PNPLA6: variants seen among roughly 807,000 people sequenced by gnomAD.
The protein encoded by PNPLA6 is patatin like domain 6, lysophospholipase, also known as patatin-like phospholipase domain-containing protein 6.
In PNPLA6, 105 loss-of-function variants were observed where a neutral mutation model predicts 153.7. The observed-to-expected ratio is 0.68, with a 90% CI of 0.58 to 0.80. The LOEUF is 0.80. Among genes scored for constraint, PNPLA6 ranks in the 30% least tolerant of loss-of-function variants. The pLI is 0.00. For synonymous variants in PNPLA6, 825 were observed against 822.2 expected, an observed-to-expected ratio of 1.00 and a Z score of -0.06; for missense variants, 1,423 against 1,919.3, an observed-to-expected ratio of 0.74 and a Z score of 4.83.
chr19:7,556,658 C>G lies in PNPLA6; in HGVS notation c.3214C>G (p.Leu1072Val). ...ACCTCGATCCCTGTCCCCGCAGGAC[C>G]TGTGGCTGCCTTACTTCAACGTGAC... ...RVFQDKQIED[L>V]WLPYFNVTTD... The change falls in exon 26 of 32, where the codon CTG becomes GTG. Residue 1072 changes from leucine to valine, a missense_variant. This residue lies in a region of PNPLA6 where 643 missense variants were observed against 835.2 expected (regional missense o/e 0.77). Transcript: ENST00000600737. 6.2e-7 allele frequency: 1 copy of G among 1,613,322 alleles called. No individual in the cohort carries two copies. Among genetic ancestry groups the G allele is most frequent in the Non-Finnish European group, 8.5e-7 (1 of 1,179,332 alleles).
At position 7,540,401 on chromosome 19, in the gene PNPLA6, G is replaced by T; in HGVS notation, c.714+93G>T. 1 of 1,387,654 alleles carries T rather than the reference G, an allele frequency of 7.2e-7. No homozygotes were observed. The highest frequency in any genetic ancestry group is 1.3e-5 in the South Asian group (1 of 76,420). The allele number at this position is 1,387,654 out of a possible 1,614,324, so 86.0% of individuals were successfully genotyped here. ...TGTAGAGCTGGTGGTCTTTGGAGAT[G>T]CGTCATCGGGAGTCAGGGGAACGGG... On this transcript the variant is annotated intron_variant, in intron 5 of 31. Transcript: ENST00000600737. This position sits in a 1 kb window ranked among gnomAD's most constrained non-coding sequence, Gnocchi z 6.8.
Position 7,540,668 on chromosome 19 carries a change from G to A in PNPLA6, c.753G>A (p.Gly251=). 6.2e-7 allele frequency: 1 copy of A among 1,613,946 alleles called. No homozygotes were observed. ...GTGTGGTGAAGGAAGTGGTTCCTGG[G>A]GACAGCGTCAACAGCCTTCTCAGCA... ...KECVVKEVVP[G]DSVNSLLSIL... Residue 251 remains glycine, a synonymous_variant, in exon 6 of 32, where the codon GGG becomes GGA. Coordinates refer to ENST00000600737, the MANE Select transcript of PNPLA6 (RefSeq NM_001166114.2). The surrounding 1 kb of genome is among the most constrained non-coding windows in gnomAD (Gnocchi z 6.8).
chr19:7,552,245 C>T (rs1357986513), intron 18 of PNPLA6, among the ~76,000 whole-genome samples: 1 of 152,206 alleles, frequency 6.6e-6, no homozygotes, highest in South Asian at 2.1e-4. Context: ...CCTGTTTCAG[C>T]CTGTGGCTTC....
chr19:7,561,745 A>G lies in PNPLA6; in HGVS notation c.*183A>G, dbSNP rs948612575. 11 of 700,344 alleles carry G rather than the reference A, an allele frequency of 1.6e-5. 1 individual carries two copies. The highest frequency in any genetic ancestry group is 2.7e-5 in the East Asian group (1 of 37,168). 43.4% of individuals were successfully genotyped at this position (700,344 alleles called of 1,614,324 possible). A position where few individuals can be genotyped will look rare whatever the true frequency, so the allele number is the denominator to read the frequency against. Reference sequence around the variant, plus strand: ...GATGACTTGACCAGCCCCTCCCCCAATAAACTCGCCTCTTGGAAATGGCTT... The same window carrying G: ...GATGACTTGACCAGCCCCTCCCCCAGTAAACTCGCCTCTTGGAAATGGCTT... On this transcript the variant is annotated 3_prime_UTR_variant, in exon 32 of 32. Coordinates refer to ENST00000600737, the MANE Select transcript of PNPLA6 (RefSeq NM_001166114.2).
At chr19:7,538,464 T>C (rs1013278490) in intron 3 of PNPLA6, among the ~76,000 whole-genome samples, 14 of 152,198 alleles carry the variant, frequency 9.2e-5, no homozygotes, top group Non-Finnish European at 1.8e-4. Flanking sequence ...ATTACAGGCA[T>C]GAGCCACCAC....
At position 7,558,834 on chromosome 19, in the gene PNPLA6, C is replaced by G. The variant is rs377501071; in HGVS notation, c.3398-16C>G. ...CCCCCGAGGGGAGCAGCCCGCTGAC[C>G]CCCCTGGCCCCACAGCGGACATCGC... On this transcript the variant is annotated splice_polypyrimidine_tract_variant and intron_variant, in intron 27 of 31. Coordinates refer to ENST00000600737, the MANE Select transcript of PNPLA6 (RefSeq NM_001166114.2). 1.3e-6 allele frequency: 2 copies of G among 1,599,292 alleles called. No homozygotes were observed. Among genetic ancestry groups the G allele is most frequent in the Non-Finnish European group, 1.7e-6 (2 of 1,177,232 alleles).
At chr19:7,551,141 A>G in intron 17 of PNPLA6, 34 bp downstream of exon 17, 1 of 466,440 alleles carries the variant, frequency 2.1e-6, no homozygotes, top group Non-Finnish European at 3.5e-6. Context: ...AGAGAGGCGG[A>G]GGCGGGACTC....
At chr19:7,543,755 T>C (rs531528595) in intron 13 of PNPLA6, among the ~76,000 whole-genome samples, 11 of 152,070 alleles carry the variant, frequency 7.2e-5, no homozygotes, top group Admixed American at 7.2e-4. Context: ...ATCAGTGGAA[T>C]GAGGTAATAA....
At chr19:7,535,612 C>A, upstream of PNPLA6, 1 of 1,592,120 alleles carries the variant, frequency 6.3e-7, no homozygotes, top group East Asian at 2.3e-5. This position sits in a 1 kb window ranked among gnomAD's most constrained non-coding sequence, Gnocchi z 5.0. Context: ...TAGGTGCCGG[C>A]GTGGGGCGCC....
At chr19:7,551,295 G>A in intron 17 of PNPLA6, 67 bp from the exon 18 acceptor site, 1 of 1,490,620 alleles carries the variant, frequency 6.7e-7, no homozygotes, top group Non-Finnish European at 9.4e-7. Flanking sequence ...CGGCATAGGA[G>A]GGAGAGGTGG....
chr19:7,554,576 A>G lies in PNPLA6; in HGVS notation c.2487A>G (p.Ser829=), dbSNP rs1254292964. 6.2e-7 allele frequency: 1 copy of G among 1,614,102 alleles called. No homozygotes were observed. Among genetic ancestry groups the G allele is most frequent in the South Asian group, 1.1e-5 (1 of 91,082 alleles). The change falls in exon 21 of 32, where the codon TCA becomes TCG. Residue 829 remains serine (S), a synonymous_variant. Transcript: ENST00000600737. The stretch of plus-strand genomic sequence containing the variant: ...CTAGCATCCAAGAGTTCCGGCTGTC[A>G]GGGTGGCTGGCCCAGCAGGAGGATG... ...ALDSIQEFRL[S]GWLAQQEDAH... is the part of the protein sequence containing the mutation.
intron 28 of PNPLA6, among the ~76,000 whole-genome samples, chr19:7,560,023 C>T (rs2024035624): frequency 6.6e-6 from 1 of 151,844 alleles, no homozygotes; most frequent in African/African-American, 2.4e-5. Flanking sequence ...GCCTATAGTC[C>T]CAGCTACTTG....
At chr19:7,550,468 G>A (rs1473228228) in intron 15 of PNPLA6, 39 bp downstream of exon 15, 3 of 1,612,254 alleles carry the variant, frequency 1.9e-6, no homozygotes, top group African/African-American at 1.3e-5. Flanking sequence ...CGGCCTAGGG[G>A]TGGGGACCTG....
rs767654280 is a variant in PNPLA6, at chr19:7,555,622, C to T, written c.2952C>T (p.Ile984=). 19 of 1,612,042 alleles carry T rather than the reference C, an allele frequency of 1.2e-5. No homozygotes were observed. The highest frequency in any genetic ancestry group is 2.1e-4 in the Middle Eastern group (1 of 4,862). ...GGGGARGCSH[I]GVLKALEEAG... is the part of the protein sequence containing the mutation. ...TTCCCGGCAGGGGCTGCTCGCACATCGGAGTACTAAAGGCATTAGAGGAGG... is the reference window on the plus strand; with the variant it reads ...TTCCCGGCAGGGGCTGCTCGCACATTGGAGTACTAAAGGCATTAGAGGAGG... The change falls in exon 24 of 32, where the codon ATC becomes ATT. Residue 984 remains isoleucine (I), a synonymous_variant. Transcript: ENST00000600737. This position sits in a 1 kb window ranked among gnomAD's most constrained non-coding sequence, Gnocchi z 6.3.
chr19:7,540,734 G>C lies in PNPLA6; in HGVS notation c.795+24G>C. 6.3e-7 allele frequency: 1 copy of C among 1,593,952 alleles called. No individual in the cohort carries two copies. The highest frequency in any genetic ancestry group is 8.6e-7 in the Non-Finnish European group (1 of 1,161,648). On this transcript the variant is annotated intron_variant, in intron 6 of 31. Coordinates refer to ENST00000600737, the MANE Select transcript of PNPLA6 (RefSeq NM_001166114.2). This position sits in a 1 kb window ranked among gnomAD's most constrained non-coding sequence, Gnocchi z 6.8. ...CCGTGAGTGACCAGTTTCTGAGGCAGGGGGGCTGGGGTGCAAGGTCCCACC... is the reference window on the plus strand; with the variant it reads ...CCGTGAGTGACCAGTTTCTGAGGCACGGGGGCTGGGGTGCAAGGTCCCACC...
Position 7,543,045 on chromosome 19 carries a change from C to G in PNPLA6, c.1569C>G (p.His523Gln), listed in dbSNP as rs753311777. Reference protein sequence around the residue: ...SLLNSRVLLHHAKAGTIIARQ... With the variant: ...SLLNSRVLLHQAKAGTIIARQ... ...TGAACAGCAGAGTCTTGCTGCACCA[C>G]GCCAAAGCTGGCACCATCATTGCCC... Residue 523 changes from histidine to glutamine, a missense_variant, in exon 13 of 32, where the codon CAC (histidine) becomes CAG (glutamine). Coordinates refer to ENST00000600737, the MANE Select transcript of PNPLA6 (RefSeq NM_001166114.2). 1 of 1,614,034 alleles carries G rather than the reference C, an allele frequency of 6.2e-7. No homozygotes were observed. The highest frequency in any genetic ancestry group is 1.7e-5 in the Admixed American group (1 of 60,030).
chr19:7,547,329 T>C (rs1412976823), intron 13 of PNPLA6, among the ~76,000 whole-genome samples: 4 of 152,226 alleles, frequency 2.6e-5, no homozygotes, highest in African/African-American at 7.2e-5. Context: ...CTCTACATTC[T>C]CTCTAACCCT....
intron 17 of PNPLA6, 44 bp from the exon 18 acceptor site, chr19:7,551,318 C>A: frequency 6.3e-7 from 1 of 1,580,464 alleles, no homozygotes; most frequent in Non-Finnish European, 8.7e-7. Context: ...CCTGGACAGC[C>A]GCTTCCCAGG....
chr19:7,540,185 G>A lies in PNPLA6; in HGVS notation c.591G>A (p.Glu197=), dbSNP rs1189033659. Residue 197 remains glutamate (E), a synonymous_variant, in exon 5 of 32, where the codon GAG becomes GAA. Transcript: ENST00000600737. The surrounding 1 kb of genome is among the most constrained non-coding windows in gnomAD (Gnocchi z 6.8). ...LGHFEKPLFL[E]LCRHMVFQRL... ...ACTTCGAGAAGCCACTCTTCCTGGA[G>A]CTCTGCCGCCACATGGTCTTCCAGC... 1.1e-5 allele frequency: 17 copies of A among 1,610,902 alleles called. No individual in the cohort carries two copies. Among genetic ancestry groups the A allele is most frequent in the Non-Finnish European group, 1.4e-5 (16 of 1,180,006 alleles).
Sources: gnomAD v4.1 joint callset for allele counts (sites outside exome capture counted in the v4.1 genomes callset) on GRCh38, gnomAD v4.1.1 for gene constraint, gnomAD v4.1.1 regional missense constraint, Gnocchi (gnomAD v3.1) non-coding constraint, MANE v1.5 for transcripts, NCBI Gene and HGNC (gene_info 2026-07-23, HGNC 2026-07-21) for gene names.